CDH9: variants seen among roughly 807,000 people sequenced by gnomAD.
CDH9 encodes cadherin-9.
In CDH9, 28 loss-of-function variants were observed where a neutral mutation model predicts 70.9. The observed-to-expected ratio is 0.40, with a 90% CI of 0.29 to 0.54. The LOEUF is 0.54. CDH9 is among the 20% of genes least tolerant of loss of function. The probability of loss-of-function intolerance (pLI) is 0.59; values close to 1 mark genes in which losing one functional copy is unlikely to be tolerated. For synonymous variants in CDH9, 409 were observed against 343.1 expected (o/e 1.19, Z -2.12); for missense variants, 874 against 984.4 (o/e 0.89, Z 1.50).
intron 1 of CDH9, among the ~76,000 whole-genome samples, chr5:26,992,369 C>T (rs766408992): frequency 6.6e-6 from 1 of 152,010 alleles, no homozygotes; most frequent in Non-Finnish European, 1.5e-5. Flanking sequence ...GAGATGGTGC[C>T]CTTGTAAGAG....
chr5:26,983,902 T>G (rs146920501), intron 2 of CDH9, among the ~76,000 whole-genome samples: 1 of 152,278 alleles, frequency 6.6e-6, no homozygotes, highest in African/African-American at 2.4e-5. Context: ...TTCGAGTCCA[T>G]TATTTTATAT....
intron 2 of CDH9, among the ~76,000 whole-genome samples, chr5:26,971,370 C>A (rs1742216365): frequency 6.6e-6 from 1 of 152,114 alleles, no homozygotes; most frequent in Non-Finnish European, 1.5e-5. Context: ...GGAGTGCTAA[C>A]TACAGAAATG....
At chr5:26,968,346 C>A (rs559695388) in intron 2 of CDH9, among the ~76,000 whole-genome samples, 1 of 151,828 alleles carries the variant, frequency 6.6e-6, no homozygotes, top group Non-Finnish European at 1.5e-5. Context: ...AGTGCAGTGG[C>A]GCAATCTCGG....
At chr5:27,030,620 CTT>C (rs1743295952) in intron 1 of CDH9, among the ~76,000 whole-genome samples, 1 of 151,132 alleles carries the variant, frequency 6.6e-6, no homozygotes, top group African/African-American at 2.4e-5. Context: ...AAGGAGAAGA[CTT>C]AACTGCTTTC....
intron 3 of CDH9, among the ~76,000 whole-genome samples, chr5:26,915,112 G>T (rs778456909): frequency 2.6e-5 from 4 of 151,924 alleles, no homozygotes; most frequent in African/African-American, 7.2e-5. Flanking sequence ...CAGGTTATTT[G>T]ATCTTAATTC....
intron 1 of CDH9, among the ~76,000 whole-genome samples, chr5:27,020,580 T>C (rs187508322): frequency 1.2e-3 from 179 of 151,806 alleles, no homozygotes; most frequent in Non-Finnish European, 2.4e-3. Context: ...CTTAAGTGTT[T>C]ATTTTGTGCA....
chr5:26,921,379 C>A (rs1285346847), intron 2 of CDH9, among the ~76,000 whole-genome samples: 1 of 152,126 alleles, frequency 6.6e-6, no homozygotes, highest in Non-Finnish European at 1.5e-5. Flanking sequence ...ACTACTCAAC[C>A]TTCCTGGGGT....
At chr5:26,915,600 A>G in intron 3 of CDH9, 30 bp downstream of exon 3, 1 of 1,271,878 alleles carries the variant, frequency 7.9e-7, no homozygotes, top group South Asian at 1.2e-5. Flanking sequence ...ACAAATAAAA[A>G]GTAGTTTACA....
intron 2 of CDH9, among the ~76,000 whole-genome samples, chr5:26,927,956 C>T (rs1741373851): frequency 6.6e-6 from 1 of 151,934 alleles, no homozygotes; most frequent in Admixed American, 6.6e-5. Flanking sequence ...GCTGTCATCG[C>T]CTTATGGCAG....
intron 7 of CDH9, among the ~76,000 whole-genome samples, chr5:26,900,229 C>T (rs1431726089): frequency 5.3e-5 from 8 of 151,784 alleles, no homozygotes; most frequent in Admixed American, 4.0e-4. Flanking sequence ...AATTACAGCC[C>T]CAAATATTGT....
intron 1 of CDH9, among the ~76,000 whole-genome samples, chr5:27,007,967 CA>C (rs1364743587): frequency 2.7e-5 from 4 of 148,476 alleles, no homozygotes; most frequent in East Asian, 2.0e-4. Context: ...GAACAACTTT[CA>C]AAAAAAAAGA....
chr5:27,011,931 C>A (rs750624180), intron 1 of CDH9, among the ~76,000 whole-genome samples: 1 of 151,878 alleles, frequency 6.6e-6, no homozygotes, highest in African/African-American at 2.4e-5. Context: ...AAACTCATGA[C>A]ATTGGTGCAA....
intron 2 of CDH9, among the ~76,000 whole-genome samples, chr5:26,952,634 CAAAAAA>C (rs35876875): frequency 2.8e-3 from 162 of 57,854 alleles, no homozygotes; most frequent in Middle Eastern, 0.015. Flanking sequence ...GACTCCGTCT[CAAAAAA>C]AAAAAAAAAA....
intron 2 of CDH9, among the ~76,000 whole-genome samples, chr5:26,929,471 C>T (rs909192734): frequency 7.2e-5 from 11 of 151,932 alleles, no homozygotes; most frequent in Admixed American, 2.6e-4. Context: ...GCATATGATT[C>T]GGCAATCCCA....
intron 3 of CDH9, among the ~76,000 whole-genome samples, chr5:26,910,114 A>G (rs928212286): frequency 2.4e-4 from 37 of 152,194 alleles, no homozygotes; most frequent in African/African-American, 8.9e-4. Context: ...ACATCCCTCT[A>G]TATATTTGTG....
chr5:27,030,074 A>G (rs969785602), intron 1 of CDH9, among the ~76,000 whole-genome samples: 1 of 152,024 alleles, frequency 6.6e-6, no homozygotes, highest in Non-Finnish European at 1.5e-5. Flanking sequence ...TTTCTTAACA[A>G]TTCTCCAAAA....
chr5:26,934,321 T>A (rs1034538267), intron 2 of CDH9, among the ~76,000 whole-genome samples: 1 of 152,034 alleles, frequency 6.6e-6, no homozygotes, highest in Admixed American at 6.6e-5. Flanking sequence ...CAAAAATTAA[T>A]CAGGCATTGT....
chr5:26,949,780 T>C (rs1385560779), intron 2 of CDH9, among the ~76,000 whole-genome samples: 2 of 152,172 alleles, frequency 1.3e-5, no homozygotes, highest in African/African-American at 4.8e-5. Context: ...CATAAGTAAG[T>C]ATCTCTTTTG....
intron 9 of CDH9, among the ~76,000 whole-genome samples, chr5:26,887,833 T>C (rs774865913): frequency 6.6e-6 from 1 of 151,898 alleles, no homozygotes; most frequent in Non-Finnish European, 1.5e-5. Context: ...GAGATTGGAG[T>C]AATTGGCGTC....
Sources: allele counts gnomAD v4.1 joint callset (sites outside exome capture counted in the v4.1 genomes callset), GRCh38; gene constraint gnomAD v4.1.1; transcripts MANE v1.5; gene names NCBI Gene and HGNC (gene_info 2026-07-23, HGNC 2026-07-21).